MVB12A: variants seen among roughly 807,000 people sequenced by gnomAD.
The protein encoded by MVB12A is multivesicular body subunit 12A, also known as CIN85/CD2AP family binding protein.
MVB12A carries 30 observed loss-of-function variants against 34.3 expected under a neutral mutation model. The observed-to-expected ratio is 0.88, with a 90% confidence interval of 0.65 to 1.19. MVB12A has a LOEUF of 1.19. Ranked by LOEUF, MVB12A falls within the 50% of genes most tolerant of loss-of-function variation. The pLI is 0.00. For missense variants in MVB12A, 355 were observed against 369.2 expected (o/e 0.96, Z 0.31); for synonymous variants, 158 against 158.9 (o/e 0.99, Z 0.04).
At position 17,420,069 on chromosome 19, in the gene MVB12A, C is replaced by G. The variant is rs1268485248; in HGVS notation, c.-67C>G. On this transcript the variant is annotated 5_prime_UTR_variant, in exon 1 of 9. Transcript: ENST00000317040. ...GTTGTAGTTCGGTCGCGAGCGCTGC[C>G]GTCGGGAGGCGCTCCGAGGTTCGAG... 2.2e-5 allele frequency: 23 copies of G among 1,026,164 alleles called. No homozygotes were observed. The highest frequency in any genetic ancestry group is 4.7e-5 in the Admixed American group (1 of 21,276). 63.6% of individuals were successfully genotyped at this position (1,026,164 alleles called of 1,614,324 possible).
At chr19:17,418,585 G>A (rs1031042742), upstream of MVB12A, among the ~76,000 whole-genome samples, 2 of 150,934 alleles carry the variant, frequency 1.3e-5, no homozygotes, top group African/African-American at 4.9e-5. Context: ...GTAGAAACGG[G>A]GTTTCACCAT....
rs1491321172 is a variant in MVB12A at position 17,410,498 on chromosome 19, A to ATATATGTG, written c.-5+4207_-5+4208insGTGTATAT. 7.6e-3 allele frequency among the ~76,000 whole-genome samples: 73 copies of ATATATGTG among 9,646 alleles called. 1 individual carries two copies. Among genetic ancestry groups the ATATATGTG allele is most frequent in the Middle Eastern group, 0.045 (1 of 22 alleles). The allele number at this position is 9,646 out of a possible 152,430, so 6.3% of individuals were successfully genotyped here. ...CTAGCATTCTTTTGGTTTTAGCTTC[A>ATATATGTG]TATATATATATATATATATATATAT... On this transcript the variant is annotated intron_variant, in intron 2 of 6. Transcript: ENST00000528604.
intron 7 of MVB12A, 125 bp from the exon 8 acceptor site, chr19:17,424,496 A>T: frequency 1.0e-6 from 1 of 978,100 alleles, no homozygotes; most frequent in Non-Finnish European, 1.5e-6. Flanking sequence ...AAGAAAAATA[A>T]GGGGGAGGGA....
Position 17,420,410 on chromosome 19 carries a change from A to G in MVB12A, c.188A>G (p.Glu63Gly). 1 of 1,613,894 alleles carries G rather than the reference A, an allele frequency of 6.2e-7. No homozygotes were observed. The change falls in exon 2 of 9, where the codon GAG (glutamate) becomes GGG (glycine). Residue 63 changes from glutamate to glycine, a missense_variant and splice_region_variant. Glu to Gly is a moderately conservative substitution (Grantham distance 98). Transcript: ENST00000317040. Reference sequence around the variant, plus strand: ...TGCCTTAGTTCTCTGGGCAGCCTAGAGGTAAGAGGTGCCCACCTTCGGAAC... The same window carrying G: ...TGCCTTAGTTCTCTGGGCAGCCTAGGGGTAAGAGGTGCCCACCTTCGGAAC... ...FLCLSSLGSL[E>G]NPQENVVADI...
chr19:17,408,431 T>TTTAA (rs143044472), intron 2 of MVB12A, among the ~76,000 whole-genome samples: 28,089 of 148,588 alleles, frequency 0.19, 2,799 homozygotes, highest in African/African-American at 0.27. Flanking sequence ...TTTATTTTGT[T>TTTAA]TTAATTAATT....
chr19:17,425,077 CACCCCCA>C lies in MVB12A; in HGVS notation c.*85_*91del. The C allele has an allele frequency of 4.2e-6, 2 of 477,262 alleles. No individual in the cohort carries two copies. Among genetic ancestry groups the C allele is most frequent in the South Asian group, 6.5e-5 (2 of 30,868 alleles). 29.6% of individuals were successfully genotyped at this position (477,262 alleles called of 1,614,324 possible). A position where few individuals can be genotyped will look rare whatever the true frequency, so the allele number is the denominator to read the frequency against. ...ACCCCCCCTCACTGCATCCTGGGGCCACCCCCACTCACTGCATCCTGGGAACCTTCGC... is the reference window on the plus strand; with the variant it reads ...ACCCCCCCTCACTGCATCCTGGGGCCCTCACTGCATCCTGGGAACCTTCGC... On this transcript the variant is annotated 3_prime_UTR_variant, in exon 9 of 9. Coordinates refer to ENST00000317040, the MANE Select transcript of MVB12A (RefSeq NM_138401.4).
chr19:17,420,601 G>T lies in MVB12A; in HGVS notation c.253G>T (p.Gly85Cys). 1 of 1,613,834 alleles carries T rather than the reference G, an allele frequency of 6.2e-7. No homozygotes were observed. Among genetic ancestry groups the T allele is most frequent in the Non-Finnish European group, 8.5e-7 (1 of 1,179,748 alleles). ...IVVDKSPLPL[G>C]FSPVCDPMDS... ...GGTGGACAAGAGCCCCCTGCCGCTG[G>T]GCTTCTCCCCCGTCTGCGACCCCAT... The change falls in exon 3 of 9, where the codon GGC (glycine) becomes TGC (cysteine). Residue 85 changes from glycine to cysteine, a missense_variant. Gly to Cys is a radical substitution (Grantham distance 159). Coordinates refer to ENST00000317040, the MANE Select transcript of MVB12A (RefSeq NM_138401.4).
chr19:17,424,898 C>T (rs763438805), intron 8 of MVB12A, 33 bp from the exon 9 acceptor site: 40 of 1,555,292 alleles, frequency 2.6e-5, no homozygotes, highest in South Asian at 3.5e-5. Flanking sequence ...TTTACTCTGG[C>T]ACCTGTTCAC....
At position 17,420,087 on chromosome 19, in the gene MVB12A, G is replaced by C; in HGVS notation, c.-49G>C. 3.2e-6 allele frequency: 4 copies of C among 1,258,904 alleles called. No individual in the cohort carries two copies. The highest frequency in any genetic ancestry group is 4.0e-6 in the Non-Finnish European group (4 of 995,694). 78.0% of individuals were successfully genotyped at this position (1,258,904 alleles called of 1,614,324 possible). ...GCGCTGCCGTCGGGAGGCGCTCCGA[G>C]GTTCGAGGCTGTGCCCCGCGACCCC... On this transcript the variant is annotated 5_prime_UTR_variant, in exon 1 of 9. Coordinates refer to ENST00000317040, the MANE Select transcript of MVB12A (RefSeq NM_138401.4).
chr19:17,424,642 C>A lies in MVB12A; in HGVS notation c.724C>A (p.Leu242Met), dbSNP rs1273493300. ...SPLAFSAFGD[L>M]TIKSLADIEE... is the part of the protein sequence containing the mutation. ...CCAGGCCTTCTCTGCTTTTGGGGAC[C>A]TGACCATCAAGTCTCTGGCGGACAT... Residue 242 changes from leucine to methionine, a missense_variant, in exon 8 of 9, where the codon CTG becomes ATG. By Grantham distance (15) the Leu-to-Met change is conservative. Coordinates refer to ENST00000317040, the MANE Select transcript of MVB12A (RefSeq NM_138401.4). The A allele has an allele frequency of 4.3e-6, 7 of 1,613,032 alleles. No individual in the cohort carries two copies. The highest frequency in any genetic ancestry group is 5.1e-6 in the Non-Finnish European group (6 of 1,179,576).
chr19:17,420,127 G>A lies in MVB12A; in HGVS notation c.-9G>A, dbSNP rs1239385328. ...CCCGCGACCCCGCCTTCGGCGCTCG[G>A]CTCGCAGGATGGATCCCGTACCCGG... On this transcript the variant is annotated 5_prime_UTR_variant, in exon 1 of 9. Transcript: ENST00000317040. The A allele has an allele frequency of 1.5e-6, 2 of 1,332,726 alleles. No homozygotes were observed. The highest frequency in any genetic ancestry group is 6.3e-5 in the East Asian group (2 of 31,938). The allele number at this position is 1,332,726 out of a possible 1,614,324, so 82.6% of individuals were successfully genotyped here. A position where few individuals can be genotyped will look rare whatever the true frequency, so the allele number is the denominator to read the frequency against.
chr19:17,410,500 A>ATATGTATATG (rs1456475854), intron 2 of MVB12A, among the ~76,000 whole-genome samples: 7 of 44,222 alleles, frequency 1.6e-4, no homozygotes, highest in African/African-American at 6.6e-4. Context: ...TTAGCTTCAT[A>ATATGTATATG]TATATATATA....
intron 3 of MVB12A, 63 bp from the exon 4 acceptor site, chr19:17,422,269 A>AT: frequency 6.5e-7 from 1 of 1,538,976 alleles, no homozygotes; most frequent in Non-Finnish European, 8.8e-7. Flanking sequence ...TCCTAGAGTC[A>AT]TCTTTGGGCC....
At chr19:17,410,609 T>TATATATACACAC (rs1568387545) in intron 2 of MVB12A, among the ~76,000 whole-genome samples, 8 of 141,952 alleles carry the variant, frequency 5.6e-5, no homozygotes, top group African/African-American at 1.8e-4. Context: ...TATATACACA[T>TATATATACACAC]ATATATATAT....
In MVB12A at chr19:17,423,768, C is replaced by A. The variant is rs373586115; in HGVS notation, c.609C>A (p.Ile203=). 1.4e-5 allele frequency: 23 copies of A among 1,613,894 alleles called. No homozygotes were observed. The African/African-American group carries it at 2.0e-4, about 14-fold the overall frequency. ...CCACTCTGCGGAGGAATGACTCCATCTACGAGGCCTCCAGCCTCTATGGCA... is the reference window on the plus strand; with the variant it reads ...CCACTCTGCGGAGGAATGACTCCATATACGAGGCCTCCAGCCTCTATGGCA... ...RASTLRRNDS[I]YEASSLYGIS... The change falls in exon 6 of 9, where the codon ATC becomes ATA. Residue 203 remains isoleucine (I), a synonymous_variant. Coordinates refer to ENST00000317040, the MANE Select transcript of MVB12A (RefSeq NM_138401.4).
Position 17,425,269 on chromosome 19 carries a change from A to C in MVB12A, c.*276A>C. 2.2e-6 allele frequency: 1 copy of C among 448,168 alleles called. No individual in the cohort carries two copies. Among genetic ancestry groups the C allele is most frequent in the Non-Finnish European group, 4.0e-6 (1 of 252,724 alleles). The allele number at this position is 448,168 out of a possible 1,614,324, so 27.8% of individuals were successfully genotyped here. A position where few individuals can be genotyped will look rare whatever the true frequency, so the allele number is the denominator to read the frequency against. On this transcript the variant is annotated 3_prime_UTR_variant, in exon 9 of 9. Coordinates refer to ENST00000317040, the MANE Select transcript of MVB12A (RefSeq NM_138401.4). The stretch of plus-strand genomic sequence containing the variant: ...GTGCCTTTAAGTCATTTGTGTCAAA[A>C]CCCTCTGGGGTCCGGAGGCTGTGCG...
intron 8 of MVB12A, 44 bp from the exon 9 acceptor site, chr19:17,424,887 C>CT: frequency 6.6e-7 from 1 of 1,507,680 alleles, no homozygotes; most frequent in Middle Eastern, 1.7e-4. Flanking sequence ...TTGGCCCTCT[C>CT]TTTACTCTGG....
At chr19:17,407,774 G>A (rs1599597141) in intron 2 of MVB12A, among the ~76,000 whole-genome samples, 1 of 152,300 alleles carries the variant, frequency 6.6e-6, no homozygotes, top group East Asian at 1.9e-4. Context: ...TCCACAAGAG[G>A]TGGAGGAGCA....
chr19:17,406,730 A>C (rs1346657363), intron 2 of MVB12A, among the ~76,000 whole-genome samples: 1 of 152,148 alleles, frequency 6.6e-6, no homozygotes, highest in African/African-American at 2.4e-5. Flanking sequence ...GGATCACTCG[A>C]GCCCAGGAGT....
Sources: allele counts gnomAD v4.1 joint callset (sites outside exome capture counted in the v4.1 genomes callset), GRCh38; gene constraint gnomAD v4.1.1; transcripts MANE v1.5; gene names NCBI Gene and HGNC (gene_info 2026-07-23, HGNC 2026-07-21).